ADAMTSL3: variants seen among roughly 807,000 people sequenced by gnomAD.
ADAMTSL3 encodes ADAMTS like 3.
Under a neutral mutation model 201.7 loss-of-function variants are expected in ADAMTSL3, and 128 were observed. The observed-to-expected ratio is 0.63, with a 90% CI of 0.55 to 0.73. The LOEUF (loss-of-function observed/expected upper bound fraction) is 0.73. ADAMTSL3 is among the 30% of genes least tolerant of loss of function. ADAMTSL3 has a pLI of 0.00. For synonymous variants in ADAMTSL3, 738 were observed against 748.4 expected, an observed-to-expected ratio of 0.99 and a Z score of 0.23; for missense variants, 1,990 against 2,119.6, an observed-to-expected ratio of 0.94 and a Z score of 1.20.
intron 4 of ADAMTSL3, 113 bp from the exon 5 acceptor site, chr15:83,804,537 G>A: frequency 1.4e-6 from 1 of 700,156 alleles, no homozygotes; most frequent in South Asian, 2.0e-5. Flanking sequence ...ATGTGCACTA[G>A]TAAAAGTTTT....
At chr15:83,766,663 A>C (rs2062897177) in intron 3 of ADAMTSL3, among the ~76,000 whole-genome samples, 1 of 152,208 alleles carries the variant, frequency 6.6e-6, no homozygotes, top group Non-Finnish European at 1.5e-5. Context: ...AAACACACAG[A>C]TGTCCATAAA....
chr15:83,942,843 T>C, intron 18 of ADAMTSL3, 55 bp downstream of exon 18: 6 of 1,606,098 alleles, frequency 3.7e-6, no homozygotes, highest in Non-Finnish European at 5.1e-6. Context: ...TGAGAGGCCC[T>C]GCACTGCACT....
chr15:83,889,703 A>G (rs1260666661), intron 10 of ADAMTSL3, among the ~76,000 whole-genome samples: 3 of 152,170 alleles, frequency 2.0e-5, no homozygotes, highest in African/African-American at 4.8e-5. Flanking sequence ...CAATGAACCC[A>G]GGAGAATGAA....
At chr15:84,020,526 C>A (rs1280800712) in intron 25 of ADAMTSL3, among the ~76,000 whole-genome samples, 2 of 152,096 alleles carry the variant, frequency 1.3e-5, no homozygotes, top group Non-Finnish European at 2.9e-5. Context: ...GCAAATGATG[C>A]CATGTACAAC....
chr15:83,852,229 C>T (rs182819757), intron 7 of ADAMTSL3, among the ~76,000 whole-genome samples: 18 of 152,192 alleles, frequency 1.2e-4, no homozygotes, highest in South Asian at 2.1e-4. Flanking sequence ...TCTCATGCCT[C>T]AACCTCCTGA....
At chr15:83,794,999 C>T (rs1427704716) in intron 4 of ADAMTSL3, among the ~76,000 whole-genome samples, 4 of 151,874 alleles carry the variant, frequency 2.6e-5, no homozygotes, top group African/African-American at 9.7e-5. Flanking sequence ...ATTACAGGTG[C>T]ACGCCACCAT....
intron 2 of ADAMTSL3, among the ~76,000 whole-genome samples, chr15:83,660,750 T>C (rs900554326): frequency 3.3e-5 from 5 of 152,202 alleles, no homozygotes; most frequent in Non-Finnish European, 5.9e-5. Flanking sequence ...CCTCTGATGG[T>C]AGTTTCTTTT....
intron 24 of ADAMTSL3, among the ~76,000 whole-genome samples, chr15:84,016,165 C>G (rs1442356170): frequency 6.6e-6 from 1 of 152,154 alleles, no homozygotes; most frequent in Non-Finnish European, 1.5e-5. Flanking sequence ...GCAGAGATGC[C>G]ACATGCTAGC....
intron 28 of ADAMTSL3, among the ~76,000 whole-genome samples, chr15:84,031,934 T>C (rs1488969756): frequency 6.6e-6 from 1 of 152,186 alleles, no homozygotes; most frequent in Admixed American, 6.5e-5. Context: ...TTTATAAAAG[T>C]CTGAGCTGGT....
intron 17 of ADAMTSL3, among the ~76,000 whole-genome samples, chr15:83,939,705 T>C (rs1222203986): frequency 6.6e-6 from 1 of 151,638 alleles, no homozygotes; most frequent in Non-Finnish European, 1.5e-5. Context: ...CACTGAAAGC[T>C]CCGCCTCCTG....
In ADAMTSL3 at chr15:83,988,706, A is replaced by C. The variant is rs1596503389; in HGVS notation, c.3732A>C (p.Gly1244=). 2 of 1,605,730 alleles carry C rather than the reference A, an allele frequency of 1.2e-6. No individual in the cohort carries two copies. Among genetic ancestry groups the C allele is most frequent in the African/African-American group, 2.7e-5 (2 of 74,796 alleles). The part of the protein sequence containing the change: ...LQPSVKIILD[G]TGKIQIQNPT... Reference sequence around the variant, plus strand: ...TGTTCTACAGAATAATTTTGGATGGAACTGGGAAGATACAGATACAGAATC... The same window carrying C: ...TGTTCTACAGAATAATTTTGGATGGCACTGGGAAGATACAGATACAGAATC... The change falls in exon 22 of 30, where the codon GGA becomes GGC. Residue 1244 remains glycine, a synonymous_variant. Transcript: ENST00000286744.
rs1567169603 is a variant in ADAMTSL3, at chr15:83,823,934, CT to C, written c.600+3889del. On this transcript the variant is annotated intron_variant, in intron 6 of 29. Transcript: ENST00000286744. ...TCTTCTTCTTCTTCTTCTTCTTCTT[CT>C]TCTTCTTCTTCTTCTTCTTCTTCTT... is the stretch of plus-strand genomic sequence containing the variant. Among the ~76,000 whole-genome samples the C allele has an allele frequency of 5.6e-3, 737 of 131,042 alleles. 24 individuals carry two copies. The highest frequency in any genetic ancestry group is 0.018 in the African/African-American group (628 of 35,060). The allele number at this position is 131,042 out of a possible 152,430, so 86.0% of individuals were successfully genotyped here.
At chr15:83,841,277 A>G (rs181043638) in intron 7 of ADAMTSL3, among the ~76,000 whole-genome samples, 20 of 152,328 alleles carry the variant, frequency 1.3e-4, no homozygotes, top group African/African-American at 4.1e-4. Flanking sequence ...TGTCCTGCCT[A>G]TTTTACAGAT....
At chr15:83,792,585 A>G (rs1242960806) in intron 4 of ADAMTSL3, among the ~76,000 whole-genome samples, 2 of 152,094 alleles carry the variant, frequency 1.3e-5, no homozygotes, top group Admixed American at 6.5e-5. Flanking sequence ...GGAGTTAGAG[A>G]CCAGCCTGGC....
intron 22 of ADAMTSL3, among the ~76,000 whole-genome samples, chr15:83,989,796 C>A (rs1215702516): frequency 2.0e-5 from 3 of 152,164 alleles, no homozygotes; most frequent in African/African-American, 2.4e-5. Context: ...ACGTTTGATT[C>A]TTTATGACCT....
intron 2 of ADAMTSL3, among the ~76,000 whole-genome samples, chr15:83,698,789 T>C (rs913824519): frequency 6.6e-5 from 10 of 152,166 alleles, no homozygotes; most frequent in Admixed American, 1.3e-4. Flanking sequence ...ATAACTACCC[T>C]TGTCAAAGTC....
intron 15 of ADAMTSL3, among the ~76,000 whole-genome samples, chr15:83,905,178 TC>T (rs1205466984): frequency 6.6e-6 from 1 of 152,204 alleles, no homozygotes. Context: ...GTGTCAGATG[TC>T]CTGAATTCAA....
intron 2 of ADAMTSL3, among the ~76,000 whole-genome samples, chr15:83,661,163 C>T (rs1318564768): frequency 1.3e-5 from 2 of 151,886 alleles, no homozygotes; most frequent in African/African-American, 4.8e-5. Flanking sequence ...GTACCAGTAC[C>T]ATGCTGTTTT....
intron 23 of ADAMTSL3, among the ~76,000 whole-genome samples, chr15:83,994,357 G>C (rs2067638398): frequency 6.6e-6 from 1 of 152,196 alleles, no homozygotes; most frequent in Non-Finnish European, 1.5e-5. Flanking sequence ...AGGCAGCTAG[G>C]TACATGTAGG....
Sources: allele counts gnomAD v4.1 joint callset (sites outside exome capture counted in the v4.1 genomes callset), GRCh38; gene constraint gnomAD v4.1.1; transcripts MANE v1.5; gene names NCBI Gene and HGNC (gene_info 2026-07-23, HGNC 2026-07-21).